Variants in CD5 observed in about 807,000 individuals in gnomAD.
The protein encoded by CD5 is T-cell surface glycoprotein CD5.
In CD5, 36 loss-of-function variants were observed where a neutral mutation model predicts 60.3. That is an observed-to-expected ratio of 0.60 (90% CI 0.46 to 0.79). CD5 has a LOEUF of 0.79. Ranked by LOEUF, CD5 falls within the 30% of genes least tolerant of loss-of-function variation. The pLI is 0.00. For missense variants in CD5, 540 were observed against 630.6 expected, an observed-to-expected ratio of 0.86 and a Z score of 1.54; for synonymous variants, 230 against 257.6, an observed-to-expected ratio of 0.89 and a Z score of 1.03.
At chr11:61,109,521 T>C (rs1462737602) in intron 1 of CD5, among the ~76,000 whole-genome samples, 1 of 151,564 alleles carries the variant, frequency 6.6e-6, no homozygotes, top group African/African-American at 2.4e-5. Flanking sequence ...AAGAAACCTT[T>C]TTTTTTTTAA....
chr11:61,116,693 T>C (rs866784851), intron 2 of CD5, among the ~76,000 whole-genome samples: 321 of 26,700 alleles, frequency 0.012, no homozygotes, highest in Middle Eastern at 0.077. Flanking sequence ...ACACACCACA[T>C]ACACACCACA....
chr11:61,102,594 T>G lies in CD5; in HGVS notation c.34T>G (p.Leu12Val), dbSNP rs73484395. The G allele has an allele frequency of 7.8e-3, 12,389 of 1,592,846 alleles. 327 individuals carry two copies. The highest frequency in any genetic ancestry group is 0.056 in the South Asian group (4,908 of 87,348). The part of the protein sequence containing the change: ...PMGSLQPLAT[L>V]YLLGMLVASC... ...GGGGTCTCTGCAACCGCTGGCCACCTTGTACCTGCTGGGGATGCTGGGTGA... is the reference window on the plus strand; with the variant it reads ...GGGGTCTCTGCAACCGCTGGCCACCGTGTACCTGCTGGGGATGCTGGGTGA... The change falls in exon 1 of 11, where the codon TTG (leucine) becomes GTG (valine). Residue 12 changes from leucine to valine, a missense_variant. By Grantham distance (32) the Leu-to-Val change is conservative (BLOSUM62 1). Coordinates refer to ENST00000347785, the MANE Select transcript of CD5 (RefSeq NM_014207.4).
At chr11:61,114,779 C>T (rs1420434190) in intron 1 of CD5, among the ~76,000 whole-genome samples, 4 of 152,012 alleles carry the variant, frequency 2.6e-5, no homozygotes, top group African/African-American at 9.7e-5. Flanking sequence ...GTGACATTCA[C>T]GGAATCATGC....
At chr11:61,114,340 G>A (rs184181835) in intron 1 of CD5, among the ~76,000 whole-genome samples, 2 of 152,198 alleles carry the variant, frequency 1.3e-5, no homozygotes, top group South Asian at 2.1e-4. Context: ...GCTCACACAT[G>A]TGAATCCCAG....
Position 61,119,382 on chromosome 11 carries a change from C to T in CD5, c.612C>T (p.Leu204=). 1 of 1,614,206 alleles carries T rather than the reference C, an allele frequency of 6.2e-7. No individual in the cohort carries two copies. Among genetic ancestry groups the T allele is most frequent in the Non-Finnish European group, 8.5e-7 (1 of 1,180,032 alleles). Residue 204 remains leucine (L), a synonymous_variant, in exon 5 of 11, where the codon CTC becomes CTT. Transcript: ENST00000347785. ...QDLENFLCNN[L]QCGSFLKHLP... is the part of the protein sequence containing the mutation. ...TGGAGAACTTCCTCTGCAACAACCT[C>T]CAGTGTGGCTCCTTCTTGAAGCATC...
chr11:61,116,115 C>T (rs997012514), intron 2 of CD5, among the ~76,000 whole-genome samples: 6 of 152,084 alleles, frequency 3.9e-5, no homozygotes, highest in Non-Finnish European at 4.4e-5. Context: ...TAGCCTGACC[C>T]GTGGTTCCCG....
chr11:61,124,509 C>T (rs968939690), intron 8 of CD5, among the ~76,000 whole-genome samples: 3 of 152,028 alleles, frequency 2.0e-5, no homozygotes, highest in African/African-American at 7.3e-5. Context: ...CAACACCATC[C>T]CTGGTCTTCA....
rs1213987484 is a variant in CD5, at chr11:61,125,780, A to C, written c.1429A>C (p.Met477Leu). The C allele has an allele frequency of 6.2e-7, 1 of 1,612,474 alleles. No homozygotes were observed. Among genetic ancestry groups the C allele is most frequent in the Non-Finnish European group, 8.5e-7 (1 of 1,179,062 alleles). Reference protein sequence around the residue: ...ALEGALHRSSMQPDNSSDSDY... With the variant: ...ALEGALHRSSLQPDNSSDSDY... ...GGAAGGGGCTCTGCATCGCTCCTCC[A>C]TGCAGCCTGACAACTCCTCCGACAG... The change falls in exon 10 of 11, where the codon ATG becomes CTG. Residue 477 changes from methionine to leucine, a missense_variant. Transcript: ENST00000347785.
At chr11:61,114,858 A>G (rs1334726454) in intron 1 of CD5, among the ~76,000 whole-genome samples, 198 bp from the exon 2 acceptor site, 1 of 152,088 alleles carries the variant, frequency 6.6e-6, no homozygotes, top group Non-Finnish European at 1.5e-5. Context: ...AAAAAAATCG[A>G]TAGTTGCAGC....
chr11:61,115,912 G>C (rs1860932652), intron 2 of CD5, among the ~76,000 whole-genome samples: 1 of 152,222 alleles, frequency 6.6e-6, no homozygotes, highest in African/African-American at 2.4e-5. Context: ...CGTTTCCCCA[G>C]CTGTGAAATG....
chr11:61,094,427 T>C, the CD5 span, among the ~76,000 whole-genome samples: 3 of 152,130 alleles, frequency 2.0e-5, no homozygotes, highest in East Asian at 5.8e-4. Context: ...TTGACTTGGT[T>C]TGAATCGCTT....
upstream of CD5, among the ~76,000 whole-genome samples, chr11:61,099,407 AATCACACACATCAACATGGAG>A (rs201869324): frequency 6.0e-3 from 180 of 29,768 alleles, 2 homozygotes; most frequent in South Asian, 0.023. Flanking sequence ...TCAACATGGA[AATCACACACATCAACATGGAG>A]ATCACACACA....
In CD5 at chr11:61,118,960, C is replaced by A. The variant is rs1861007945; in HGVS notation, c.446C>A (p.Thr149Lys). The A allele has an allele frequency of 6.2e-7, 1 of 1,613,696 alleles. No individual in the cohort carries two copies. Among genetic ancestry groups the A allele is most frequent in the Admixed American group, 1.7e-5 (1 of 59,988 alleles). Reference protein sequence around the residue: ...TPPTTRPPPTTTPEPTAPPRL... With the variant: ...TPPTTRPPPTKTPEPTAPPRL... Reference sequence around the variant, plus strand: ...CCAACGACAAGGCCCCCGCCCACCACAACTCCAGAGCCCACAGGTAAGAGG... The same window carrying A: ...CCAACGACAAGGCCCCCGCCCACCAAAACTCCAGAGCCCACAGGTAAGAGG... The change falls in exon 4 of 11, where the codon ACA becomes AAA. Residue 149 changes from threonine (T) to lysine (K), a missense_variant. Coordinates refer to ENST00000347785, the MANE Select transcript of CD5 (RefSeq NM_014207.4). This position sits in a 1 kb window ranked among gnomAD's most constrained non-coding sequence, Gnocchi z 4.7.
chr11:61,125,131 CCCA>C lies in CD5; in HGVS notation c.1382_1384del (p.His461del), dbSNP rs779839323. 11 of 1,613,998 alleles carry C rather than the reference CCCA, an allele frequency of 6.8e-6. No homozygotes were observed. The highest frequency in any genetic ancestry group is 1.6e-4 in the Middle Eastern group (1 of 6,084). On this transcript the variant is annotated inframe_deletion, in exon 9 of 11. Transcript: ENST00000347785. Reference sequence around the variant, plus strand: ...GAATACAGCCAACCTCCCAGGAACTCCCACCTGTCAGCTTATCCAGGTAAGCAC... The same window carrying C: ...GAATACAGCCAACCTCCCAGGAACTCCCTGTCAGCTTATCCAGGTAAGCAC...
chr11:61,096,310 A>G, the CD5 span, among the ~76,000 whole-genome samples: 2 of 152,264 alleles, frequency 1.3e-5, no homozygotes, highest in Admixed American at 6.5e-5. Context: ...GCTTTGTTCA[A>G]TCTGGCTGAA....
At chr11:61,106,757 C>A (rs768365104) in intron 1 of CD5, among the ~76,000 whole-genome samples, 23 of 152,086 alleles carry the variant, frequency 1.5e-4, no homozygotes, top group Non-Finnish European at 1.2e-4. Flanking sequence ...TGGAGGGGAG[C>A]TTTGGAGCAA....
intron 1 of CD5, among the ~76,000 whole-genome samples, chr11:61,104,212 C>T (rs1284838991): frequency 2.6e-5 from 4 of 152,098 alleles, no homozygotes; most frequent in Non-Finnish European, 5.9e-5. Flanking sequence ...TTCATGAGCA[C>T]AATGCGGCCT....
At chr11:61,116,541 A>ACACACACACACCACACACAC (rs1860953370) in intron 2 of CD5, among the ~76,000 whole-genome samples, 1 of 75,570 alleles carries the variant, frequency 1.3e-5, no homozygotes. Flanking sequence ...ACCCCACACC[A>ACACACACACACCACACACAC]CACACACACA....
chr11:61,102,017 G>A (rs1696210624), upstream of CD5, among the ~76,000 whole-genome samples: 1 of 152,122 alleles, frequency 6.6e-6, no homozygotes, highest in South Asian at 2.1e-4. Context: ...CACCACCTGT[G>A]GAAAGTCAGC....
Sources: gnomAD v4.1 joint callset for allele counts (sites outside exome capture counted in the v4.1 genomes callset) on GRCh38, gnomAD v4.1.1 for gene constraint, Gnocchi (gnomAD v3.1) non-coding constraint, MANE v1.5 for transcripts, NCBI Gene and HGNC (gene_info 2026-07-23, HGNC 2026-07-21) for gene names.